The following CRELD2 variants were observed in gnomAD, a reference collection of about 807,000 sequenced individuals.
The protein encoded by CRELD2 is CRELD disulfide isomerase 2, also known as protein disulfide isomerase CRELD2.
A neutral mutation model predicts 48.1 loss-of-function variants in CRELD2; 33 were observed. That is an observed-to-expected ratio of 0.69 (90% CI 0.52 to 0.92). The LOEUF (loss-of-function observed/expected upper bound fraction) is 0.92. Ranked by LOEUF, CRELD2 falls within the 40% of genes least tolerant of loss-of-function variation. CRELD2 has a pLI of 0.00. For missense variants in CRELD2, 477 were observed against 482.4 expected, an observed-to-expected ratio of 0.99 and a Z score of 0.10; for synonymous variants, 220 against 203.9, an observed-to-expected ratio of 1.08 and a Z score of -0.67.
Position 49,918,718 on chromosome 22 carries a change from A to C in CRELD2, c.-52A>C. ...TGGGCGGCCGGGAGGCCGGAGCAGCACGGCCGCAGGACCTGGAGCTCCGGC... is the reference window on the plus strand; with the variant it reads ...TGGGCGGCCGGGAGGCCGGAGCAGCCCGGCCGCAGGACCTGGAGCTCCGGC... On this transcript the variant is annotated 5_prime_UTR_variant, in exon 1 of 10. Transcript: ENST00000328268. 1.4e-6 allele frequency: 1 copy of C among 708,400 alleles called. No homozygotes were observed. The allele number at this position is 708,400 out of a possible 1,614,324, so 43.9% of individuals were successfully genotyped here.
intron 3 of CRELD2, 84 bp downstream of exon 3, chr22:49,919,924 G>T: frequency 9.2e-7 from 1 of 1,090,496 alleles, no homozygotes; most frequent in South Asian, 1.4e-5. Flanking sequence ...AAAGGTACAG[G>T]AACAGTAGGG....
Position 49,927,190 on chromosome 22 carries a change from G to T in CRELD2, c.1010-65G>T, listed in dbSNP as rs1019409519. The stretch of plus-strand genomic sequence containing the variant: ...GCCCTGCACATGCGCTGCTGTCCTG[G>T]GAAAGGCCTCATCCCCAGGGCCCTT... On this transcript the variant is annotated intron_variant, in intron 9 of 9. Transcript: ENST00000328268. 3 of 1,425,036 alleles carry T rather than the reference G, an allele frequency of 2.1e-6. No homozygotes were observed. The African/African-American group carries it at 4.2e-5, about 20-fold the overall frequency. 88.3% of individuals were successfully genotyped at this position (1,425,036 alleles called of 1,614,324 possible).
chr22:49,925,152 A>T, intron 8 of CRELD2: 1 of 299,884 alleles, frequency 3.3e-6, no homozygotes, highest in African/African-American at 2.2e-5. Context: ...AAAAAGGAAA[A>T]GAAAGTGGGC....
intron 8 of CRELD2, 54 bp from the exon 9 acceptor site, chr22:49,925,363 C>T (rs1444634846): frequency 2.3e-5 from 26 of 1,129,868 alleles, no homozygotes; most frequent in South Asian, 1.2e-4. Flanking sequence ...TTTCATAATC[C>T]GCTGCGCGTC....
In CRELD2 at chr22:49,925,473, T is replaced by C. The variant is rs868374442; in HGVS notation, c.925T>C (p.Tyr309His). Residue 309 changes from tyrosine (Y) to histidine (H), a missense_variant, in exon 9 of 10, where the codon TAC becomes CAC. Coordinates refer to ENST00000328268, the MANE Select transcript of CRELD2 (RefSeq NM_024324.5). ...KTCVRKNENC[Y>H]NTPGSYVCVC... ...CTGTGTGAGGAAAAACGAAAACTGCTACAATACTCCAGGGAGCTACGTCTG... is the reference window on the plus strand; with the variant it reads ...CTGTGTGAGGAAAAACGAAAACTGCCACAATACTCCAGGGAGCTACGTCTG... The C allele has an allele frequency of 6.2e-7, 1 of 1,614,014 alleles. No homozygotes were observed. Among genetic ancestry groups the C allele is most frequent in the African/African-American group, 1.3e-5 (1 of 75,072 alleles).
chr22:49,920,316 G>A (rs2146639500), intron 4 of CRELD2, 69 bp downstream of exon 4: 2 of 1,174,252 alleles, frequency 1.7e-6, no homozygotes, highest in Non-Finnish European at 2.5e-6. Context: ...ATTCTTGGGA[G>A]GTAAAAGCAC....
intron 9 of CRELD2, chr22:49,925,905 C>T (rs976256840): frequency 1.4e-5 from 5 of 354,798 alleles, no homozygotes; most frequent in Admixed American, 5.3e-5. Context: ...CCCAGGGTGC[C>T]GCAGAGACAG....
chr22:49,921,471 C>T (rs774783419), intron 4 of CRELD2, 114 bp from the exon 5 acceptor site: 4 of 1,114,430 alleles, frequency 3.6e-6, no homozygotes, highest in Non-Finnish European at 5.0e-6. Context: ...CCTTCAGGCT[C>T]ATGTACGTCC....
At chr22:49,919,333 CT>C in intron 2 of CRELD2, 21 bp downstream of exon 2, 1 of 1,605,878 alleles carries the variant, frequency 6.2e-7, no homozygotes, top group Non-Finnish European at 8.5e-7. Flanking sequence ...TGGAGCACCC[CT>C]GTGGGTCTTG....
rs1191228708 is a variant in CRELD2 at position 49,923,931 on chromosome 22, C to T, written c.773-429C>T. ...AGCAGGGAGGAGGCCGCCTCTGCCC[C>T]GTGTGTGTGACAGCCCCAGGCAGTT... On this transcript the variant is annotated intron_variant, in intron 7 of 9. Coordinates refer to ENST00000328268, the MANE Select transcript of CRELD2 (RefSeq NM_024324.5). The T allele has an allele frequency of 3.4e-5, 8 of 231,892 alleles. No homozygotes were observed. In the East Asian group the frequency reaches 8.9e-4, roughly 26 times the overall value. 14.4% of individuals were successfully genotyped at this position (231,892 alleles called of 1,614,324 possible).
At chr22:49,923,371 C>T in intron 7 of CRELD2, 54 bp downstream of exon 7, 1 of 1,321,326 alleles carries the variant, frequency 7.6e-7, no homozygotes, top group Non-Finnish European at 1.1e-6. Context: ...TCGTTGCTGC[C>T]TTTGTCAACA....
At position 49,921,577 on chromosome 22, in the gene CRELD2, C is replaced by T; in HGVS notation, c.416-8C>T. On this transcript the variant is annotated splice_region_variant and splice_polypyrimidine_tract_variant and intron_variant, in intron 4 of 9. Transcript: ENST00000328268. ...TGTGCTCTGAGCATGGTTTTGTGTC[C>T]CCTAAAGCATGCCAGGGCGGATCCC... The T allele has an allele frequency of 2.5e-6, 4 of 1,611,228 alleles. No homozygotes were observed. Among genetic ancestry groups the T allele is most frequent in the Non-Finnish European group, 3.4e-6 (4 of 1,179,054 alleles).
At chr22:49,925,252 A>T in intron 8 of CRELD2, 165 bp from the exon 9 acceptor site, 1 of 554,696 alleles carries the variant, frequency 1.8e-6, no homozygotes, top group Non-Finnish European at 3.1e-6. Context: ...GAGACGTGAA[A>T]TTCTTCCCTC....
In CRELD2 at chr22:49,922,383, C is replaced by T. The variant is rs761514860; in HGVS notation, c.593-229C>T. 1.2e-5 allele frequency: 19 copies of T among 1,610,598 alleles called. No individual in the cohort carries two copies. Among genetic ancestry groups the T allele is most frequent in the East Asian group, 2.2e-5 (1 of 44,766 alleles). Reference sequence around the variant, plus strand: ...CGTGGGCCACGCATGGATCCGTGGCCGGAACACGCACACCCAGCCAGGCTA... The same window carrying T: ...CGTGGGCCACGCATGGATCCGTGGCTGGAACACGCACACCCAGCCAGGCTA... On this transcript the variant is annotated intron_variant, in intron 5 of 9. Coordinates refer to ENST00000328268, the MANE Select transcript of CRELD2 (RefSeq NM_024324.5).
At chr22:49,919,007 G>A in intron 1 of CRELD2, 109 bp downstream of exon 1, 1 of 1,028,556 alleles carries the variant, frequency 9.7e-7, no homozygotes, top group Non-Finnish European at 1.4e-6. Context: ...CTGGATCCGG[G>A]GTCCCCCTCA....
Position 49,919,239 on chromosome 22 carries a change from G to A in CRELD2, c.139G>A (p.Asp47Asn). Residue 47 changes from aspartate (D) to asparagine (N), a missense_variant, in exon 2 of 10, where the codon GAC becomes AAC. Physicochemically the swap from Asp to Asn is conservative, Grantham distance 23. Coordinates refer to ENST00000328268, the MANE Select transcript of CRELD2 (RefSeq NM_024324.5). ...CACTGTCTCCTCGCAGGGGATGGTG[G>A]ACACCGCAAAGAAGAACTTTGGCGG... Reference protein sequence around the residue: ...LVDKFNQGMVDTAKKNFGGGN... With the variant: ...LVDKFNQGMVNTAKKNFGGGN... The A allele has an allele frequency of 6.2e-7, 1 of 1,613,706 alleles. No individual in the cohort carries two copies.
At chr22:49,925,878 G>C (rs1339346345) in intron 9 of CRELD2, 1 of 592,500 alleles carries the variant, frequency 1.7e-6, no homozygotes. Context: ...AGCTGGAAAA[G>C]TCATCCGGGG....
At chr22:49,926,396 G>C (rs1053083717) in intron 9 of CRELD2, 2 of 152,208 alleles carry the variant, frequency 1.3e-5, no homozygotes, top group African/African-American at 2.4e-5. Context: ...ATTGGCTAAG[G>C]GTTTTTCAGA....
intron 6 of CRELD2, 99 bp from the exon 7 acceptor site, chr22:49,923,135 C>A: frequency 1.1e-6 from 1 of 950,050 alleles, no homozygotes; most frequent in Non-Finnish European, 1.5e-6. Flanking sequence ...CCTTCCCCAG[C>A]CGGCCCTGGC....
Sources: gnomAD v4.1 joint callset for allele counts on GRCh38, gnomAD v4.1.1 for gene constraint, MANE v1.5 for transcripts, NCBI Gene and HGNC (gene_info 2026-07-23, HGNC 2026-07-21) for gene names.